The following DOCK10 variants were observed in gnomAD, a reference collection of about 807,000 sequenced individuals.
The protein encoded by DOCK10 is dedicator of cytokinesis 10.
A neutral mutation model predicts 280.1 loss-of-function variants in DOCK10; 145 were observed. The ratio of observed to expected loss-of-function variants is 0.52; its 90% CI spans 0.45 to 0.59. DOCK10 has a LOEUF of 0.59. Ranked by LOEUF, DOCK10 falls within the 20% of genes least tolerant of loss-of-function variation. The probability of loss-of-function intolerance (pLI) is 0.00; values close to 1 mark genes in which losing one functional copy is unlikely to be tolerated. For missense variants in DOCK10, 2,368 were observed against 2,651.7 expected, an observed-to-expected ratio of 0.89 and a Z score of 2.35; for synonymous variants, 915 against 942.2, an observed-to-expected ratio of 0.97 and a Z score of 0.53.
chr2:224,930,004 C>T (rs946682257), intron 2 of DOCK10, among the ~76,000 whole-genome samples: 2 of 151,962 alleles, frequency 1.3e-5, no homozygotes, highest in African/African-American at 2.4e-5. Flanking sequence ...AGTTCAAGAC[C>T]AGCATGGCCA....
intron 50 of DOCK10, among the ~76,000 whole-genome samples, chr2:224,779,842 T>C (rs1253323319): frequency 2.0e-5 from 3 of 152,182 alleles, no homozygotes; most frequent in Non-Finnish European, 4.4e-5. Context: ...GTCTACTCCA[T>C]AGCAGAATTC....
At chr2:225,017,005 G>T (rs962087955) in intron 1 of DOCK10, among the ~76,000 whole-genome samples, 13 of 151,766 alleles carry the variant, frequency 8.6e-5, no homozygotes, top group African/African-American at 1.2e-4. Flanking sequence ...TTACAGGCAT[G>T]AGCCACTGCG....
At chr2:224,845,725 C>A in intron 19 of DOCK10, 83 bp from the exon 20 acceptor site, 2 of 1,348,232 alleles carry the variant, frequency 1.5e-6, no homozygotes. Flanking sequence ...GCTTTTTAAA[C>A]AATCTTTTTT....
intron 45 of DOCK10, 135 bp from the exon 46 acceptor site, chr2:224,793,592 G>A: frequency 1.7e-6 from 1 of 580,594 alleles, no homozygotes; most frequent in Non-Finnish European, 2.9e-6. Flanking sequence ...TTGAAAGCAA[G>A]GATCAATTGT....
chr2:224,822,816 A>G (rs1694587342), intron 28 of DOCK10, among the ~76,000 whole-genome samples: 1 of 152,144 alleles, frequency 6.6e-6, no homozygotes, highest in Non-Finnish European at 1.5e-5. Flanking sequence ...GTCAGAGCTA[A>G]AGCCATTATA....
Position 224,789,045 on chromosome 2 carries a change from G to T in DOCK10, c.5418+19C>A. The T allele has an allele frequency of 6.6e-7, 1 of 1,506,794 alleles. No individual in the cohort carries two copies. Among genetic ancestry groups the T allele is most frequent in the Non-Finnish European group, 9.2e-7 (1 of 1,083,964 alleles). 93.3% of individuals were successfully genotyped at this position (1,506,794 alleles called of 1,614,324 possible). ...ATCTCTTTCCTTCGTTACTGTACAT[G>T]AGATAATTTTGGTCTAACCTCATTG... On this transcript the variant is annotated intron_variant, in intron 48 of 55. Transcript: ENST00000258390.
chr2:224,789,316 A>C, intron 47 of DOCK10, 146 bp from the exon 48 acceptor site: 2 of 553,688 alleles, frequency 3.6e-6, no homozygotes, highest in Admixed American at 3.2e-5. Context: ...ACTATTGATA[A>C]ATGCGCTCTG....
chr2:225,033,865 A>C (rs1034239050), intron 1 of DOCK10, among the ~76,000 whole-genome samples: 2 of 152,232 alleles, frequency 1.3e-5, no homozygotes, highest in Non-Finnish European at 2.9e-5. Flanking sequence ...TCTTGCCAGA[A>C]ATGTATTTCT....
intron 1 of DOCK10, among the ~76,000 whole-genome samples, chr2:224,971,843 C>A (rs1705104028): frequency 6.6e-6 from 1 of 151,874 alleles, no homozygotes. Context: ...ATGTACACCA[C>A]ATTTTGAAGA....
intron 24 of DOCK10, among the ~76,000 whole-genome samples, chr2:224,839,312 T>A (rs1261117477): frequency 6.6e-6 from 1 of 151,638 alleles, no homozygotes; most frequent in Non-Finnish European, 1.5e-5. Flanking sequence ...CTGTTACATG[T>A]TAGGCAGGAT....
At chr2:224,831,428 G>A (rs1431717959) in intron 26 of DOCK10, among the ~76,000 whole-genome samples, 1 of 152,252 alleles carries the variant, frequency 6.6e-6, no homozygotes, top group Non-Finnish European at 1.5e-5. Context: ...GCCCCAGGGT[G>A]TGAGGTCCTG....
At chr2:224,916,637 G>T in intron 3 of DOCK10, 58 bp downstream of exon 3, 2 of 1,189,480 alleles carry the variant, frequency 1.7e-6, no homozygotes, top group Middle Eastern at 2.0e-4. Flanking sequence ...ATTGCATTGA[G>T]AATCCCCTGG....
At chr2:224,791,468 CT>C (rs11399072) in intron 47 of DOCK10, among the ~76,000 whole-genome samples, 368 of 141,112 alleles carry the variant, frequency 2.6e-3, no homozygotes, top group Middle Eastern at 3.7e-3. Context: ...GTTCAAAAGT[CT>C]TTTTTTTTTT....
chr2:224,967,171 C>T (rs953304042), intron 1 of DOCK10, among the ~76,000 whole-genome samples: 1 of 151,922 alleles, frequency 6.6e-6, no homozygotes. Context: ...GCTCCACCTC[C>T]CGGGTTCACG....
chr2:224,867,560 A>T (rs1698012023), intron 11 of DOCK10, among the ~76,000 whole-genome samples: 1 of 152,226 alleles, frequency 6.6e-6, no homozygotes, highest in Non-Finnish European at 1.5e-5. Flanking sequence ...AGATGAGAAG[A>T]AGGGGACATT....
At chr2:224,782,085 T>C (rs558183768) in intron 50 of DOCK10, among the ~76,000 whole-genome samples, 8 of 152,178 alleles carry the variant, frequency 5.3e-5, no homozygotes, top group Non-Finnish European at 1.0e-4. Flanking sequence ...ATGTAGCTTC[T>C]CTTAGCATAT....
intron 1 of DOCK10, among the ~76,000 whole-genome samples, chr2:224,995,763 T>C (rs1706254633): frequency 6.6e-6 from 1 of 152,212 alleles, no homozygotes; most frequent in African/African-American, 2.4e-5. Context: ...GATAGCTGCA[T>C]TTTTAACTTT....
At chr2:224,919,664 CGT>C (rs143667759) in intron 2 of DOCK10, among the ~76,000 whole-genome samples, 34,991 of 147,320 alleles carry the variant, frequency 0.24, 4,501 homozygotes, top group Non-Finnish European at 0.29. Context: ...GTAGAGTGTG[CGT>C]GTGTCTGTCC....
intron 1 of DOCK10, among the ~76,000 whole-genome samples, chr2:225,035,541 A>G (rs1400725682): frequency 3.7e-5 from 2 of 53,558 alleles, no homozygotes; most frequent in Admixed American, 2.6e-4. Context: ...TATGATATAT[A>G]TTATATATAT....
Sources: allele counts gnomAD v4.1 joint callset (sites outside exome capture counted in the v4.1 genomes callset), GRCh38; gene constraint gnomAD v4.1.1; transcripts MANE v1.5; gene names NCBI Gene and HGNC (gene_info 2026-07-23, HGNC 2026-07-21).